The following CCN6 variants were observed in gnomAD, a reference collection of about 807,000 sequenced individuals.
The protein encoded by CCN6 is cellular communication network factor 6.
CCN6 carries 31 observed loss-of-function variants against 37.4 expected under a neutral mutation model. The observed-to-expected ratio is 0.83, with a 90% CI of 0.62 to 1.12. CCN6 has a LOEUF of 1.12. Among genes scored for constraint, CCN6 ranks in the 50% most tolerant of loss-of-function variants. CCN6 has a pLI of 0.00. For missense variants in CCN6, 369 were observed against 413.8 expected (o/e 0.89, Z 0.94); for synonymous variants, 137 against 142.1 (o/e 0.96, Z 0.26).
At chr6:112,056,898 C>A (rs1305064518) in intron 1 of CCN6, among the ~76,000 whole-genome samples, 1 of 151,930 alleles carries the variant, frequency 6.6e-6, no homozygotes, top group Admixed American at 6.6e-5. Context: ...ACATCTTCTT[C>A]TCAATCTCTT....
chr6:112,057,070 A>G (rs1208441207), intron 1 of CCN6, among the ~76,000 whole-genome samples: 3 of 152,178 alleles, frequency 2.0e-5, no homozygotes, highest in Non-Finnish European at 2.9e-5. Context: ...TCAAAATTGG[A>G]AAGTTAAAGA....
intron 2 of CCN6, among the ~76,000 whole-genome samples, chr6:112,064,250 C>G (rs1776611991): frequency 6.6e-6 from 1 of 152,224 alleles, no homozygotes; most frequent in Non-Finnish European, 1.5e-5. Flanking sequence ...TAGAGGACCA[C>G]ACTTGGGGAA....
At chr6:112,069,286 A>T (rs1041258719) in intron 4 of CCN6, 53 bp from the exon 5 acceptor site, 3 of 1,576,478 alleles carry the variant, frequency 1.9e-6, no homozygotes, top group Non-Finnish European at 1.7e-6. Flanking sequence ...ACATGTTTTC[A>T]AAACTATTGT....
chr6:112,061,378 A>T, intron 2 of CCN6, 90 bp downstream of exon 2: 1 of 1,570,966 alleles, frequency 6.4e-7, no homozygotes, highest in Non-Finnish European at 8.7e-7. Flanking sequence ...TGATCAGCTT[A>T]GTTTGGCTAA....
At chr6:112,064,228 C>T (rs1776610617) in intron 2 of CCN6, among the ~76,000 whole-genome samples, 1 of 152,194 alleles carries the variant, frequency 6.6e-6, no homozygotes, top group South Asian at 2.1e-4. Flanking sequence ...GTCTCAGGTA[C>T]TGCCAAGGGA....
chr6:112,065,626 GCACACA>G (rs71021870), intron 3 of CCN6, among the ~76,000 whole-genome samples: 4 of 123,588 alleles, frequency 3.2e-5, no homozygotes, highest in African/African-American at 3.1e-5. Flanking sequence ...ACACACGCAC[GCACACA>G]CACACACACA....
Position 112,059,954 on chromosome 6 carries a change from CAA to C in CCN6, c.49-1035_49-1034del, listed in dbSNP as rs1379118807. On this transcript the variant is annotated intron_variant, in intron 1 of 4. Coordinates refer to ENST00000368666, the MANE Select transcript of CCN6 (RefSeq NM_198239.2). ...AGGGTGCCCTTTCACAAAGAGTGGT[CAA>C]AGAGGGCCTCACTGAGAAATTTGAG... The C allele has an allele frequency of 1.9e-5, 26 of 1,341,118 alleles. No individual in the cohort carries two copies. In the African/African-American group the frequency reaches 3.6e-4, roughly 18 times the overall value. 83.1% of individuals were successfully genotyped at this position (1,341,118 alleles called of 1,614,324 possible).
At chr6:112,057,138 C>G (rs1776370959) in intron 1 of CCN6, among the ~76,000 whole-genome samples, 1 of 152,160 alleles carries the variant, frequency 6.6e-6, no homozygotes, top group Admixed American at 6.5e-5. Context: ...CATGAAAAAG[C>G]AGGGAGGAGA....
chr6:112,066,583 A>G (rs1356576547), intron 3 of CCN6, among the ~76,000 whole-genome samples: 1 of 152,196 alleles, frequency 6.6e-6, no homozygotes, highest in Middle Eastern at 3.2e-3. Context: ...GTGTGTTTCA[A>G]ATGAAGTATA....
rs141509397 is a variant in CCN6, at chr6:112,065,061, C to T, written c.589+64C>T. The T allele has an allele frequency of 1.2e-4, 190 of 1,608,458 alleles. 1 individual carries two copies. The East Asian group carries it at 3.5e-3, about 29-fold the overall frequency. On this transcript the variant is annotated intron_variant, in intron 3 of 4. Transcript: ENST00000368666. ...GTGGTATTCCTTCATGTTCCTTTTA[C>T]GTATCATAGGTACTCAGTAAGTACT... is the stretch of plus-strand genomic sequence containing the variant.
intron 3 of CCN6, 140 bp from the exon 4 acceptor site, chr6:112,068,065 T>A (rs1005043740): frequency 5.7e-6 from 4 of 700,876 alleles, no homozygotes; most frequent in Non-Finnish European, 6.6e-6. Flanking sequence ...AGTGATAAAT[T>A]AGACCATCGG....
chr6:112,067,056 C>CT, intron 3 of CCN6: 1 of 1,363,268 alleles, frequency 7.3e-7, no homozygotes, highest in South Asian at 1.1e-5. Flanking sequence ...TCTGCTTCCT[C>CT]TCCTCAGTTC....
In CCN6 at chr6:112,065,563, AAC is replaced by A. The variant is rs587651054; in HGVS notation, c.589+578_589+579del. 1.1e-3 allele frequency among the ~76,000 whole-genome samples: 116 copies of A among 102,152 alleles called. 1 individual carries two copies. Among genetic ancestry groups the A allele is most frequent in the East Asian group, 8.5e-4 (3 of 3,516 alleles). The allele number at this position is 102,152 out of a possible 152,430, so 67.0% of individuals were successfully genotyped here. A position where few individuals can be genotyped will look rare whatever the true frequency, so the allele number is the denominator to read the frequency against. On this transcript the variant is annotated intron_variant, in intron 3 of 4. Transcript: ENST00000368666. The stretch of plus-strand genomic sequence containing the variant: ...AAGCTCAATTGTTAATCTCTCTGTA[AAC>A]ACACACACACAAACACACACACGCA...
In CCN6 at chr6:112,060,063, T is replaced by A. The variant is rs375059034; in HGVS notation, c.49-928T>A. On this transcript the variant is annotated intron_variant, in intron 1 of 4. Coordinates refer to ENST00000368666, the MANE Select transcript of CCN6 (RefSeq NM_198239.2). Reference sequence around the variant, plus strand: ...GCTTGGAGTCAGAGAACAAGGACGCTGGTGTGGCTGGTGTGGAGGCAGCAA... The same window carrying A: ...GCTTGGAGTCAGAGAACAAGGACGCAGGTGTGGCTGGTGTGGAGGCAGCAA... 3.0e-4 allele frequency: 407 copies of A among 1,365,444 alleles called. 1 individual carries two copies. The highest frequency in any genetic ancestry group is 4.2e-4 in the Middle Eastern group (2 of 4,756). 84.6% of individuals were successfully genotyped at this position (1,365,444 alleles called of 1,614,324 possible). A position where few individuals can be genotyped will look rare whatever the true frequency, so the allele number is the denominator to read the frequency against.
chr6:112,067,172 G>T, intron 3 of CCN6: 2 of 548,722 alleles, frequency 3.6e-6, no homozygotes, highest in Non-Finnish European at 5.0e-6. Context: ...TATGAAGAAG[G>T]CTTTTTTTTT....
chr6:112,066,989 C>A (rs1358427657), intron 3 of CCN6: 3 of 1,366,240 alleles, frequency 2.2e-6, no homozygotes, highest in African/African-American at 1.5e-5. Context: ...AGCTTCTAAT[C>A]TGCTTCCTGC....
At chr6:112,060,864 A>G in intron 1 of CCN6, 127 bp from the exon 2 acceptor site, 2 of 1,088,552 alleles carry the variant, frequency 1.8e-6, no homozygotes, top group East Asian at 5.0e-5. Flanking sequence ...TCAAATGCTG[A>G]TAGGTGTTAT....
At chr6:112,063,143 T>G (rs1386960554) in intron 2 of CCN6, among the ~76,000 whole-genome samples, 1 of 152,240 alleles carries the variant, frequency 6.6e-6, no homozygotes, top group Non-Finnish European at 1.5e-5. Flanking sequence ...ATTTGCTGCT[T>G]CTTTCAATCT....
In CCN6 at chr6:112,054,165, A is replaced by T; in HGVS notation, c.-193A>T. On this transcript the variant is annotated 5_prime_UTR_variant, in exon 1 of 5. Coordinates refer to ENST00000368666, the MANE Select transcript of CCN6 (RefSeq NM_198239.2). ...TTATTAGAAGAGTCCCATGAAAGTA[A>T]ACAGGGTATTAAAACGGATCCTTAA... 1.2e-6 allele frequency: 1 copy of T among 823,636 alleles called. No homozygotes were observed. The highest frequency in any genetic ancestry group is 2.2e-6 in the Non-Finnish European group (1 of 461,874). 51.0% of individuals were successfully genotyped at this position (823,636 alleles called of 1,614,324 possible). A position where few individuals can be genotyped will look rare whatever the true frequency, so the allele number is the denominator to read the frequency against.
Sources: allele counts gnomAD v4.1 joint callset (sites outside exome capture counted in the v4.1 genomes callset), GRCh38; gene constraint gnomAD v4.1.1; transcripts MANE v1.5; gene names NCBI Gene and HGNC (gene_info 2026-07-23, HGNC 2026-07-21).